The following RBFOX1 variants were observed in gnomAD, a reference collection of about 807,000 sequenced individuals.
RBFOX1 encodes the protein RNA binding protein fox-1 homolog 1.
RBFOX1 carries 8 observed loss-of-function variants against 57.7 expected under a neutral mutation model. The ratio of observed to expected loss-of-function variants is 0.14; its 90% CI spans 0.08 to 0.25. The LOEUF (loss-of-function observed/expected upper bound fraction) is 0.25, where lower values mean the gene tolerates loss of function less well. Among genes scored for constraint, RBFOX1 ranks in the 10% least tolerant of loss-of-function variants. The pLI, the probability that RBFOX1 is intolerant of heterozygous loss-of-function variation, is 1.00. For missense variants in RBFOX1, 611 were observed against 548.5 expected (o/e 1.11, Z -1.14); for synonymous variants, 326 against 222.4 (o/e 1.47, Z -4.15).
At chr16:6,786,911 A>ATG (rs879846202) in intron 3 of RBFOX1, among the ~76,000 whole-genome samples, 1 of 150,712 alleles carries the variant, frequency 6.6e-6, no homozygotes, top group East Asian at 1.9e-4. Flanking sequence ...TTACTTTTAA[A>ATG]AAAAAAAAGG....
intron 3 of RBFOX1, among the ~76,000 whole-genome samples, chr16:6,718,400 A>C (rs1225133708): frequency 1.3e-5 from 2 of 152,204 alleles, no homozygotes; most frequent in Non-Finnish European, 2.9e-5. Context: ...TATAATTACA[A>C]GTTTTGAAAA....
chr16:6,736,454 A>C (rs1338246038), intron 3 of RBFOX1, among the ~76,000 whole-genome samples: 1 of 152,174 alleles, frequency 6.6e-6, no homozygotes, highest in African/African-American at 2.4e-5. Flanking sequence ...AATAGTCTCT[A>C]ATCTCATCCA....
intron 4 of RBFOX1, among the ~76,000 whole-genome samples, chr16:7,298,739 T>C (rs2095959759): frequency 1.3e-5 from 2 of 152,222 alleles, no homozygotes; most frequent in Admixed American, 1.3e-4. Context: ...AAAGAAAATA[T>C]TAAGAAAATC....
At chr16:7,124,255 T>G (rs1169603663) in intron 4 of RBFOX1, among the ~76,000 whole-genome samples, 2 of 152,004 alleles carry the variant, frequency 1.3e-5, no homozygotes, top group Non-Finnish European at 1.5e-5. Context: ...GCAAAAATAT[T>G]TTTTAAAAAA....
At chr16:5,909,402 C>A (rs969570125) in intron 4 of RBFOX1, among the ~76,000 whole-genome samples, 5 of 151,808 alleles carry the variant, frequency 3.3e-5, no homozygotes, top group Admixed American at 1.3e-4. Context: ...CAAGCCCTTT[C>A]TAAAAAAAAT....
At chr16:5,477,399 A>C (rs1206574385) in intron 2 of RBFOX1, among the ~76,000 whole-genome samples, 1 of 152,206 alleles carries the variant, frequency 6.6e-6, no homozygotes, top group East Asian at 1.9e-4. Flanking sequence ...ACGACCAATC[A>C]AATACCCAAA....
chr16:7,385,770 T>C (rs1456597362), intron 4 of RBFOX1, among the ~76,000 whole-genome samples: 1 of 152,042 alleles, frequency 6.6e-6, no homozygotes, highest in Non-Finnish European at 1.5e-5. Context: ...TTGGTTTTTT[T>C]CGAGATAGAG....
intron 4 of RBFOX1, among the ~76,000 whole-genome samples, chr16:7,186,271 A>G (rs57575018): frequency 2.4e-4 from 18 of 75,910 alleles, no homozygotes; most frequent in Non-Finnish European, 3.5e-4. Context: ...TATAAACATA[A>G]ACATAAACAT....
rs530023243 is a variant in RBFOX1, at chr16:6,238,604, A to C, written c.-126-78391A>C. Among the ~76,000 whole-genome samples, 15 of 152,230 alleles carry C rather than the reference A, an allele frequency of 9.9e-5. No individual in the cohort carries two copies. In the South Asian group the frequency reaches 3.1e-3, roughly 32 times the overall value. On this transcript the variant is annotated intron_variant, in intron 1 of 15. Coordinates refer to ENST00000550418, the MANE Select transcript of RBFOX1 (RefSeq NM_018723.4). ...TCAACCCTGGCTTCAAATTCGAATC[A>C]GTTGGGAATGCATTAAAAACTATCA...
At chr16:6,093,467 G>T (rs571278189) in intron 1 of RBFOX1, among the ~76,000 whole-genome samples, 13 of 152,180 alleles carry the variant, frequency 8.5e-5, no homozygotes, top group African/African-American at 2.9e-4. Flanking sequence ...GATCTGGAAG[G>T]ATACTCAATA....
intron 3 of RBFOX1, among the ~76,000 whole-genome samples, chr16:5,746,573 A>G (rs903022048): frequency 4.6e-5 from 7 of 152,218 alleles, no homozygotes; most frequent in African/African-American, 1.7e-4. Flanking sequence ...ATCCATGAGC[A>G]TGGAATGTTC....
intron 11 of RBFOX1, among the ~76,000 whole-genome samples, chr16:7,647,756 A>T (rs1382478820): frequency 1.3e-5 from 2 of 152,198 alleles, no homozygotes; most frequent in African/African-American, 2.4e-5. Context: ...GGCATTTTGC[A>T]TTGGCTTTAT....
chr16:6,633,616 C>T (rs373032681), intron 2 of RBFOX1, among the ~76,000 whole-genome samples: 1 of 152,104 alleles, frequency 6.6e-6, no homozygotes, highest in Admixed American at 6.6e-5. Flanking sequence ...GTCTTTAAAT[C>T]AACAGACTGT....
intron 1 of RBFOX1, among the ~76,000 whole-genome samples, chr16:6,128,718 C>A (rs2096607785): frequency 6.6e-6 from 1 of 152,172 alleles, no homozygotes; most frequent in South Asian, 2.1e-4. Context: ...TATCCATGTC[C>A]AGGGTGACAG....
At chr16:7,469,077 G>T (rs2061065037) in intron 4 of RBFOX1, among the ~76,000 whole-genome samples, 1 of 152,048 alleles carries the variant, frequency 6.6e-6, no homozygotes, top group African/African-American at 2.4e-5. Flanking sequence ...GGGGCTACAG[G>T]TGCCCAGCAC....
At chr16:7,696,537 T>C (rs1436778300) in intron 14 of RBFOX1, among the ~76,000 whole-genome samples, 3 of 145,814 alleles carry the variant, frequency 2.1e-5, no homozygotes, top group Non-Finnish European at 4.4e-5. Context: ...AATCAGTGAC[T>C]AGAAATTCAT....
At chr16:7,103,790 T>C (rs1056877043) in intron 4 of RBFOX1, among the ~76,000 whole-genome samples, 7 of 152,150 alleles carry the variant, frequency 4.6e-5, no homozygotes, top group Non-Finnish European at 1.0e-4. Context: ...CCCAGCAATA[T>C]GTCAGAAATT....
intron 3 of RBFOX1, among the ~76,000 whole-genome samples, chr16:5,840,131 A>C (rs2056581062): frequency 6.6e-6 from 1 of 152,182 alleles, no homozygotes; most frequent in African/African-American, 2.4e-5. Context: ...CAAAGTCAGC[A>C]GAGAGTCCTT....
chr16:7,279,975 C>G (rs920493530), intron 4 of RBFOX1, among the ~76,000 whole-genome samples: 1 of 152,198 alleles, frequency 6.6e-6, no homozygotes, highest in Non-Finnish European at 1.5e-5. Context: ...TTGGCCATAT[C>G]AGCAGATGTT....
Sources: allele counts gnomAD v4.1 joint callset (sites outside exome capture counted in the v4.1 genomes callset), GRCh38; gene constraint gnomAD v4.1.1; transcripts MANE v1.5; gene names NCBI Gene and HGNC (gene_info 2026-07-23, HGNC 2026-07-21).